Variants in SEMA5A observed in about 807,000 individuals in gnomAD.
The protein encoded by SEMA5A is semaphorin-5A.
SEMA5A carries 55 observed loss-of-function variants against 135.5 expected under a neutral mutation model. That is an observed-to-expected ratio of 0.41 (90% CI 0.33 to 0.51). The LOEUF (loss-of-function observed/expected upper bound fraction) is 0.51. SEMA5A is among the 20% of genes least tolerant of loss of function. SEMA5A has a pLI of 0.37. For missense variants in SEMA5A, 1,290 were observed against 1,419.9 expected (o/e 0.91, Z 1.47); for synonymous variants, 580 against 546.5 (o/e 1.06, Z -0.85).
chr5:9,217,625 C>T (rs1226273815), intron 8 of SEMA5A, among the ~76,000 whole-genome samples: 5 of 152,216 alleles, frequency 3.3e-5, no homozygotes, highest in Admixed American at 1.3e-4. Flanking sequence ...CTCAGGGATG[C>T]CGAGGATTCA....
chr5:9,434,890 G>T (rs544788485), intron 2 of SEMA5A, among the ~76,000 whole-genome samples: 1 of 152,236 alleles, frequency 6.6e-6, no homozygotes, highest in South Asian at 2.1e-4. Context: ...ATGAACGAAT[G>T]AATGAGTACA....
At chr5:9,153,689 G>A (rs1017052303) in intron 12 of SEMA5A, among the ~76,000 whole-genome samples, 1 of 152,082 alleles carries the variant, frequency 6.6e-6, no homozygotes, top group Non-Finnish European at 1.5e-5. Context: ...ATCAGCATAT[G>A]AGCTGTGGTC....
chr5:9,254,549 T>A lies in SEMA5A; in HGVS notation c.271-16659A>T, dbSNP rs138766509. On this transcript the variant is annotated intron_variant, in intron 5 of 22. Transcript: ENST00000382496. ...GAATGCCACAAGGAATGTTGAGGAA[T>A]AAGCAGATCTTGAAGCTGGAAAAAC... is the stretch of plus-strand genomic sequence containing the variant. 8.3e-3 allele frequency among the ~76,000 whole-genome samples: 1,266 copies of A among 152,300 alleles called. 14 individuals are homozygous for A. The highest frequency in any genetic ancestry group is 0.029 in the African/African-American group (1,218 of 41,562).
intron 2 of SEMA5A, among the ~76,000 whole-genome samples, chr5:9,428,427 A>C (rs1757744923): frequency 6.6e-6 from 1 of 152,192 alleles, no homozygotes; most frequent in South Asian, 2.1e-4. Flanking sequence ...GCTCACTTTA[A>C]GAAAGGTTAG....
chr5:9,281,217 C>T (rs906370981), intron 5 of SEMA5A, among the ~76,000 whole-genome samples: 4 of 152,128 alleles, frequency 2.6e-5, no homozygotes, highest in Admixed American at 2.0e-4. Context: ...ATAAAATTTC[C>T]ATTTTCCCTC....
chr5:9,492,849 G>T (rs1372533997), intron 1 of SEMA5A, among the ~76,000 whole-genome samples: 5 of 152,164 alleles, frequency 3.3e-5, no homozygotes, highest in Non-Finnish European at 5.9e-5. Flanking sequence ...ATTGGTGGTT[G>T]CCAGGGGCTG....
chr5:9,178,077 C>CA (rs1560991726), intron 11 of SEMA5A, among the ~76,000 whole-genome samples: 1 of 151,634 alleles, frequency 6.6e-6, no homozygotes, highest in African/African-American at 2.4e-5. Context: ...ATTTATTCCT[C>CA]AAAAAAAATT....
chr5:9,287,688 C>G (rs1750868745), intron 5 of SEMA5A, among the ~76,000 whole-genome samples: 6 of 152,178 alleles, frequency 3.9e-5, no homozygotes, highest in Admixed American at 3.9e-4. Flanking sequence ...AAAACTCAGC[C>G]ATCCATATTC....
chr5:9,399,368 G>A (rs1340532504), intron 2 of SEMA5A, among the ~76,000 whole-genome samples: 1 of 152,138 alleles, frequency 6.6e-6, no homozygotes, highest in East Asian at 1.9e-4. Context: ...AGGCACAATA[G>A]GCCACACATT....
At chr5:9,123,258 C>CAAAAAAAAAAAAAAAAAAAAAA (rs57533658) in intron 13 of SEMA5A, among the ~76,000 whole-genome samples, 1 of 38,926 alleles carries the variant, frequency 2.6e-5, no homozygotes, top group African/African-American at 6.5e-5. Flanking sequence ...GACTCCGCCT[C>CAAAAAAAAAAAAAAAAAAAAAA]AAAAAAAAAA....
chr5:9,224,751 C>T lies in SEMA5A; in HGVS notation c.569G>A (p.Arg190His), dbSNP rs377224069. 15 of 1,614,014 alleles carry T rather than the reference C, an allele frequency of 9.3e-6. No individual in the cohort carries two copies. The highest frequency in any genetic ancestry group is 4.5e-5 in the East Asian group (2 of 44,880). The change falls in exon 8 of 23, where the codon CGT becomes CAT. Residue 190 changes from arginine to histidine, a missense_variant. By Grantham distance (29) the Arg-to-His change is conservative. Around this residue, in one of 3 missense-constraint regions of SEMA5A, gnomAD observed 145 missense variants for 212.0 expected, o/e 0.68. Transcript: ENST00000382496. ...TAGGCTTCGGTAAATGGCAGGATCA[C>T]GTCCTGGAAAATCCATGGCTGTAGC... ...YAATAMDFPG[R>H]DPAIYRSLGI...
rs538021405 is a variant in SEMA5A at position 9,204,761 on chromosome 5, C to T, written c.647-2521G>A. Among the ~76,000 whole-genome samples, 1 of 152,262 alleles carries T rather than the reference C, an allele frequency of 6.6e-6. No homozygotes were observed. Among genetic ancestry groups the T allele is most frequent in the South Asian group, 2.1e-4 (1 of 4,814 alleles). On this transcript the variant is annotated intron_variant, in intron 8 of 22. Coordinates refer to ENST00000382496, the MANE Select transcript of SEMA5A (RefSeq NM_003966.3). The surrounding 1 kb of genome is among the most constrained non-coding windows in gnomAD (Gnocchi z 6.4). ...GACATGGACCAGTACCAGTCCATGGCCTGTTAGGAGTCAGGCCACACAGCA... is the reference window on the plus strand; with the variant it reads ...GACATGGACCAGTACCAGTCCATGGTCTGTTAGGAGTCAGGCCACACAGCA...
chr5:9,286,403 A>G (rs1750798775), intron 5 of SEMA5A, among the ~76,000 whole-genome samples: 1 of 152,062 alleles, frequency 6.6e-6, no homozygotes, highest in Non-Finnish European at 1.5e-5. Context: ...TTTTTCCCCC[A>G]GACTCTGACA....
intron 2 of SEMA5A, chr5:9,422,542 T>C (rs950448485): frequency 1.3e-5 from 2 of 152,192 alleles, no homozygotes; most frequent in African/African-American, 2.4e-5. Flanking sequence ...TTCTCCTCTT[T>C]ACAGATAAAA....
At chr5:9,234,607 C>A (rs985532351) in intron 6 of SEMA5A, among the ~76,000 whole-genome samples, 2 of 152,174 alleles carry the variant, frequency 1.3e-5, no homozygotes, top group Non-Finnish European at 2.9e-5. Context: ...TATCAATATA[C>A]TTAAGGCAAC....
At chr5:9,527,039 G>A (rs559622832) in intron 1 of SEMA5A, among the ~76,000 whole-genome samples, 2 of 152,302 alleles carry the variant, frequency 1.3e-5, no homozygotes, top group South Asian at 2.1e-4. Flanking sequence ...GGTAAGGGGA[G>A]TGTAAGACGG....
At chr5:9,444,652 C>G (rs1307540718) in intron 1 of SEMA5A, among the ~76,000 whole-genome samples, 3 of 152,170 alleles carry the variant, frequency 2.0e-5, no homozygotes, top group African/African-American at 7.2e-5. Flanking sequence ...TATAAACATG[C>G]ATGTGCAAGT....
intron 19 of SEMA5A, among the ~76,000 whole-genome samples, chr5:9,052,364 G>A (rs1021278941): frequency 1.3e-5 from 2 of 152,098 alleles, no homozygotes; most frequent in South Asian, 2.1e-4. Flanking sequence ...CAGCAGCAGC[G>A]GTACATAAGT....
Position 9,038,651 on chromosome 5 carries a change from C to A in SEMA5A, c.*4246G>T, listed in dbSNP as rs931272994. On this transcript the variant is annotated 3_prime_UTR_variant, in exon 23 of 23. Coordinates refer to ENST00000382496, the MANE Select transcript of SEMA5A (RefSeq NM_003966.3). ...TGATATATGTTTAAGGTAAAATTCC[C>A]TTTGATATTCAATTATACGCTAATG... is the stretch of plus-strand genomic sequence containing the variant. The A allele has an allele frequency of 6.6e-6, 1 of 151,816 alleles. No individual in the cohort carries two copies. The highest frequency in any genetic ancestry group is 6.6e-5 in the Admixed American group (1 of 15,238). 9.4% of individuals were successfully genotyped at this position (151,816 alleles called of 1,614,324 possible).
Sources: allele counts gnomAD v4.1 joint callset (sites outside exome capture counted in the v4.1 genomes callset), GRCh38; gene constraint gnomAD v4.1.1; regional missense constraint gnomAD v4.1.1; non-coding constraint Gnocchi (gnomAD v3.1); transcripts MANE v1.5; gene names NCBI Gene and HGNC (gene_info 2026-07-23, HGNC 2026-07-21).